The following FAM163B variants were observed in gnomAD, a reference collection of about 807,000 sequenced individuals.
FAM163B encodes the protein family with sequence similarity 163 member B.
FAM163B carries 4 observed loss-of-function variants against 7.6 expected under a neutral mutation model. The observed-to-expected ratio is 0.52, with a 90% confidence interval of 0.26 to 1.20. FAM163B has a LOEUF of 1.20. FAM163B is among the 50% of genes most tolerant of loss of function. The pLI is 0.14. For synonymous variants in FAM163B, 120 were observed against 111.6 expected (o/e 1.07, Z -0.47); for missense variants, 250 against 243.0 (o/e 1.03, Z -0.19).
intron 1 of FAM163B, among the ~76,000 whole-genome samples, chr9:133,597,987 C>A (rs751308288): frequency 6.6e-6 from 1 of 152,194 alleles, no homozygotes; most frequent in Non-Finnish European, 1.5e-5. Flanking sequence ...AGCTCAGCTC[C>A]TTCTCAGACA....
intron 1 of FAM163B, among the ~76,000 whole-genome samples, chr9:133,584,567 CG>C (rs1831404795): frequency 6.6e-6 from 1 of 152,212 alleles, no homozygotes; most frequent in East Asian, 1.9e-4. Context: ...AGGCAGAGAA[CG>C]GGAAGGGCTA....
At chr9:133,605,841 T>C (rs142099162) in intron 1 of FAM163B, among the ~76,000 whole-genome samples, 106 of 152,310 alleles carry the variant, frequency 7.0e-4, no homozygotes, top group Non-Finnish European at 1.3e-3. Context: ...GCCCTCAACA[T>C]GCTTGTCACT....
intron 1 of FAM163B, among the ~76,000 whole-genome samples, chr9:133,605,525 C>T (rs1211419465): frequency 2.0e-5 from 3 of 152,310 alleles, no homozygotes; most frequent in Non-Finnish European, 4.4e-5. Flanking sequence ...GAAAACTGAG[C>T]TCAAGGGCAG....
At chr9:133,598,064 T>C (rs530377889) in intron 1 of FAM163B, among the ~76,000 whole-genome samples, 1 of 152,284 alleles carries the variant, frequency 6.6e-6, no homozygotes, top group South Asian at 2.1e-4. Context: ...ACCTGAGCCA[T>C]GGTGACAACA....
chr9:133,584,854 T>C (rs560831013), intron 1 of FAM163B, among the ~76,000 whole-genome samples: 123 of 152,356 alleles, frequency 8.1e-4, no homozygotes, highest in African/African-American at 2.6e-3. Context: ...TGCCGCCTGC[T>C]TGTGACTCGA....
intron 1 of FAM163B, among the ~76,000 whole-genome samples, chr9:133,584,481 AC>A (rs1366881272): frequency 6.6e-6 from 1 of 152,240 alleles, no homozygotes; most frequent in Non-Finnish European, 1.5e-5. Flanking sequence ...TAGACACCCA[AC>A]AAAGTCAGGA....
In FAM163B at chr9:133,600,130, CTGTG is replaced by C. The variant is rs560383917; in HGVS notation, c.-24+8943_-24+8946del. Among the ~76,000 whole-genome samples the C allele has an allele frequency of 5.0e-3, 718 of 144,250 alleles. 5 individuals carry two copies. The highest frequency in any genetic ancestry group is 0.029 in the Middle Eastern group (7 of 244). 94.6% of individuals were successfully genotyped at this position (144,250 alleles called of 152,430 possible). On this transcript the variant is annotated intron_variant, in intron 1 of 2. Transcript: ENST00000673969. This position sits in a 1 kb window ranked among gnomAD's most constrained non-coding sequence, Gnocchi z 4.9. Reference sequence around the variant, plus strand: ...GTGTGTGGTCTATGTGTATGTGTGTCTGTGTGCGTGTGTGAATGTATGTGTGCAT... The same window carrying C: ...GTGTGTGGTCTATGTGTATGTGTGTCTGCGTGTGTGAATGTATGTGTGCAT...
rs984663651 is a variant in FAM163B, at chr9:133,601,006, A to G, written c.-24+8071T>C. On this transcript the variant is annotated intron_variant, in intron 1 of 2. Transcript: ENST00000673969. The surrounding 1 kb of genome is among the most constrained non-coding windows in gnomAD (Gnocchi z 4.1). ...CATCAGCCCAAGTTCTCTCCCAAGT[A>G]CCAGCCATGAGGACCCCTGGGAGGG... is the stretch of plus-strand genomic sequence containing the variant. Among the ~76,000 whole-genome samples, 1 of 152,026 alleles carries G rather than the reference A, an allele frequency of 6.6e-6. No homozygotes were observed. The highest frequency in any genetic ancestry group is 1.5e-5 in the Non-Finnish European group (1 of 67,972).
Position 133,600,433 on chromosome 9 carries a change from G to T in FAM163B, c.-24+8644C>A, listed in dbSNP as rs942324109. ...GCCACAGTACCCCTGTTTCCCTGTG[G>T]TGCCACCCACTCTCAGTTTAGTGGA... On this transcript the variant is annotated intron_variant, in intron 1 of 2. Transcript: ENST00000673969. This position sits in a 1 kb window ranked among gnomAD's most constrained non-coding sequence, Gnocchi z 4.9. Among the ~76,000 whole-genome samples, 2 of 152,180 alleles carry T rather than the reference G, an allele frequency of 1.3e-5. No homozygotes were observed. The highest frequency in any genetic ancestry group is 4.8e-5 in the African/African-American group (2 of 41,424).
chr9:133,602,178 A>C (rs1350349423), intron 1 of FAM163B, among the ~76,000 whole-genome samples: 1 of 151,798 alleles, frequency 6.6e-6, no homozygotes, highest in Non-Finnish European at 1.5e-5. Context: ...TATAACAACA[A>C]GTTCCATCTG....
chr9:133,600,218 T>G lies in FAM163B; in HGVS notation c.-24+8859A>C, dbSNP rs3888559. ...TGTGGTCTGTGTGAGTGTGTGTGTG[T>G]GGGGGGGAATGTGGTCTGTGTGCAT... On this transcript the variant is annotated intron_variant, in intron 1 of 2. Coordinates refer to ENST00000673969, the MANE Select transcript of FAM163B (RefSeq NM_001080515.3). This position sits in a 1 kb window ranked among gnomAD's most constrained non-coding sequence, Gnocchi z 4.9. 0.14 allele frequency among the ~76,000 whole-genome samples: 20,204 copies of G among 148,220 alleles called. 1,454 individuals are homozygous for G. Among genetic ancestry groups the G allele is most frequent in the South Asian group, 0.27 (1,222 of 4,610 alleles).
intron 1 of FAM163B, among the ~76,000 whole-genome samples, chr9:133,584,720 G>C (rs985148965): frequency 1.3e-5 from 2 of 152,186 alleles, no homozygotes; most frequent in Non-Finnish European, 2.9e-5. Flanking sequence ...CTTCTGAGCC[G>C]GGCTGTGAAG....
At chr9:133,590,849 C>T (rs2131241616) in intron 1 of FAM163B, among the ~76,000 whole-genome samples, 1 of 152,360 alleles carries the variant, frequency 6.6e-6, no homozygotes, top group East Asian at 1.9e-4. Context: ...GACAGAACAG[C>T]ATTCTCGGTC....
intron 1 of FAM163B, among the ~76,000 whole-genome samples, chr9:133,588,619 A>AGT (rs1831480668): frequency 6.6e-6 from 1 of 151,932 alleles, no homozygotes; most frequent in Non-Finnish European, 1.5e-5. Flanking sequence ...ATGCTGAAGG[A>AGT]TCTAGCATGT....
chr9:133,583,308 C>A (rs1266709097), intron 1 of FAM163B, among the ~76,000 whole-genome samples: 1 of 152,168 alleles, frequency 6.6e-6, no homozygotes, highest in Admixed American at 6.5e-5. Context: ...GCTGAGACTG[C>A]AGGGAGGATG....
chr9:133,579,411 CCTT>C lies in FAM163B; in HGVS notation c.109_111del (p.Lys37del). On this transcript the variant is annotated inframe_deletion, in exon 3 of 3. Transcript: ENST00000673969. Reference sequence around the variant, plus strand: ...TCCTCCTCGTCCTCCTCCGACTCGTCCTTCTTGCAGCAGTAGTACTGCGGGCAG... The same window carrying C: ...TCCTCCTCGTCCTCCTCCGACTCGTCCTTGCAGCAGTAGTACTGCGGGCAG... The C allele has an allele frequency of 6.2e-7, 1 of 1,604,720 alleles. No homozygotes were observed. Among genetic ancestry groups the C allele is most frequent in the East Asian group, 2.2e-5 (1 of 44,590 alleles).
chr9:133,595,308 G>T (rs1366352027), intron 1 of FAM163B, among the ~76,000 whole-genome samples: 5 of 152,186 alleles, frequency 3.3e-5, no homozygotes, highest in African/African-American at 4.8e-5. Context: ...AGCACACCCG[G>T]CTAATTTTTG....
intron 1 of FAM163B, among the ~76,000 whole-genome samples, chr9:133,599,386 C>G (rs756771): frequency 0.7 from 107,160 of 152,084 alleles, 38,315 homozygotes; most frequent in African/African-American, 0.82. Flanking sequence ...GGTCCCGGGA[C>G]CCCACTGCAA....
rs749324879 is a variant in FAM163B, at chr9:133,600,047, ATGTG to A, written c.-24+9026_-24+9029del. Among the ~76,000 whole-genome samples the A allele has an allele frequency of 1.8e-5, 2 of 112,358 alleles. No individual in the cohort carries two copies. The highest frequency in any genetic ancestry group is 3.6e-5 in the Non-Finnish European group (2 of 55,168). 73.7% of individuals were successfully genotyped at this position (112,358 alleles called of 152,430 possible). A position where few individuals can be genotyped will look rare whatever the true frequency, so the allele number is the denominator to read the frequency against. On this transcript the variant is annotated intron_variant, in intron 1 of 2. Coordinates refer to ENST00000673969, the MANE Select transcript of FAM163B (RefSeq NM_001080515.3). The surrounding 1 kb of genome is among the most constrained non-coding windows in gnomAD (Gnocchi z 4.9). ...GTGCATGTATGTGTGGTCTGTGTGG[ATGTG>A]TGTGAGTTTGTGTGTGCATGTGTGT... is the stretch of plus-strand genomic sequence containing the variant.
Sources: gnomAD v4.1 joint callset for allele counts (sites outside exome capture counted in the v4.1 genomes callset) on GRCh38, gnomAD v4.1.1 for gene constraint, Gnocchi (gnomAD v3.1) non-coding constraint, MANE v1.5 for transcripts, NCBI Gene and HGNC (gene_info 2026-07-23, HGNC 2026-07-21) for gene names.